The following RALYL variants were observed in gnomAD, a reference collection of about 807,000 sequenced individuals.
RALYL encodes RALY RNA binding protein like.
Under a neutral mutation model 35.1 loss-of-function variants are expected in RALYL, and 29 were observed. The ratio of observed to expected loss-of-function variants is 0.83; its 90% CI spans 0.61 to 1.13. The LOEUF (loss-of-function observed/expected upper bound fraction) is 1.13. RALYL is among the 50% of genes most tolerant of loss of function. The pLI is 0.00. For synonymous variants in RALYL, 120 were observed against 127.6 expected (o/e 0.94, Z 0.40); for missense variants, 359 against 360.4 (o/e 1.00, Z 0.03).
intron 2 of RALYL, among the ~76,000 whole-genome samples, chr8:84,750,044 A>C (rs1403177008): frequency 6.6e-6 from 1 of 152,166 alleles, no homozygotes; most frequent in Non-Finnish European, 1.5e-5. Context: ...CCAGCCAGTT[A>C]GCTTTATCTC....
intron 2 of RALYL, among the ~76,000 whole-genome samples, chr8:84,542,507 T>G (rs2060088484): frequency 7.8e-6 from 1 of 127,792 alleles, no homozygotes; most frequent in Non-Finnish European, 1.7e-5. Context: ...TGGGAAGTAA[T>G]TGAATCATGG....
chr8:84,598,240 C>T (rs566554318), intron 2 of RALYL, among the ~76,000 whole-genome samples: 3 of 152,140 alleles, frequency 2.0e-5, no homozygotes, highest in South Asian at 2.1e-4. Flanking sequence ...AGTCATAACT[C>T]TCACTGCAGC....
intron 7 of RALYL, among the ~76,000 whole-genome samples, chr8:84,879,571 C>A (rs575037593): frequency 2.0e-5 from 3 of 151,810 alleles, no homozygotes; most frequent in Non-Finnish European, 2.9e-5. Context: ...TAAAACTGAT[C>A]GAGAAGTAGC....
intron 1 of RALYL, among the ~76,000 whole-genome samples, chr8:84,359,640 T>C (rs545074972): frequency 6.6e-6 from 1 of 152,196 alleles, no homozygotes; most frequent in South Asian, 2.1e-4. Context: ...ACTTTCCTCG[T>C]TTGTATATAA....
intron 4 of RALYL, among the ~76,000 whole-genome samples, chr8:84,814,434 C>T (rs989413060): frequency 2.2e-4 from 33 of 151,920 alleles, no homozygotes; most frequent in African/African-American, 8.0e-4. Flanking sequence ...TAGTAATTGT[C>T]ATTTAGATTT....
At chr8:84,421,791 A>G (rs1213357545) in intron 1 of RALYL, among the ~76,000 whole-genome samples, 2 of 138,596 alleles carry the variant, frequency 1.4e-5, no homozygotes, top group African/African-American at 2.8e-5. Context: ...CTTTTTCTGC[A>G]TCTATTGAGA....
chr8:84,539,407 C>A (rs984340249), intron 2 of RALYL, among the ~76,000 whole-genome samples: 1 of 152,024 alleles, frequency 6.6e-6, no homozygotes, highest in Non-Finnish European at 1.5e-5. Flanking sequence ...ACTGGAGAAA[C>A]AGGTCCTAGA....
chr8:84,863,088 A>G (rs1288851534), intron 6 of RALYL, among the ~76,000 whole-genome samples: 3 of 152,216 alleles, frequency 2.0e-5, no homozygotes, highest in Non-Finnish European at 4.4e-5. Flanking sequence ...TTGTTAGAAT[A>G]TTATTCATAA....
chr8:84,786,146 C>A (rs556403047), intron 3 of RALYL, among the ~76,000 whole-genome samples: 1 of 152,280 alleles, frequency 6.6e-6, no homozygotes, highest in East Asian at 1.9e-4. Context: ...CATGTCCCTG[C>A]AAAGGATATG....
At chr8:84,516,074 T>A (rs1279984816) in intron 1 of RALYL, among the ~76,000 whole-genome samples, 1 of 152,034 alleles carries the variant, frequency 6.6e-6, no homozygotes, top group Non-Finnish European at 1.5e-5. Flanking sequence ...GGGATATAGT[T>A]AATTCAAATT....
intron 1 of RALYL, among the ~76,000 whole-genome samples, chr8:84,463,594 T>C (rs2051090172): frequency 6.6e-6 from 1 of 152,096 alleles, no homozygotes; most frequent in South Asian, 2.1e-4. Context: ...GTGTGTCTGA[T>C]ACATATTAGC....
chr8:84,307,178 C>T lies in RALYL; in HGVS notation c.-24+122754C>T, dbSNP rs1482960865. ...TATGAGTTAGGAAGAGAAGAGAAAC[C>T]CCATTCAGATATTCCTCTGTGTATT... On this transcript the variant is annotated intron_variant, in intron 1 of 8. Transcript: ENST00000521268. Among the ~76,000 whole-genome samples, 5 of 152,060 alleles carry T rather than the reference C, an allele frequency of 3.3e-5. No individual in the cohort carries two copies. In the East Asian group the frequency reaches 7.7e-4, roughly 24 times the overall value.
intron 2 of RALYL, among the ~76,000 whole-genome samples, chr8:84,747,714 CTT>C (rs1170565323): frequency 7.2e-5 from 11 of 151,824 alleles, no homozygotes; most frequent in South Asian, 4.2e-4. Flanking sequence ...ATAATAGTGA[CTT>C]GACTTAATTT....
chr8:84,277,813 G>T (rs1006432457), intron 1 of RALYL, among the ~76,000 whole-genome samples: 8 of 152,362 alleles, frequency 5.3e-5, no homozygotes, highest in African/African-American at 9.6e-5. Flanking sequence ...GCATGCTGAT[G>T]CAAGAGGTGC....
At chr8:84,473,581 T>G (rs925792276) in intron 1 of RALYL, among the ~76,000 whole-genome samples, 1 of 151,798 alleles carries the variant, frequency 6.6e-6, no homozygotes, top group Non-Finnish European at 1.5e-5. Flanking sequence ...AAGCTTTTTC[T>G]TTAAAAAAAT....
chr8:84,751,861 C>T (rs1213307943), intron 2 of RALYL, among the ~76,000 whole-genome samples: 1 of 152,098 alleles, frequency 6.6e-6, no homozygotes, highest in Non-Finnish European at 1.5e-5. Context: ...AATCTCTTTT[C>T]TTCATAAATT....
At chr8:84,226,687 G>A (rs946961237) in intron 1 of RALYL, among the ~76,000 whole-genome samples, 2 of 152,126 alleles carry the variant, frequency 1.3e-5, no homozygotes, top group Admixed American at 6.5e-5. Flanking sequence ...CTTTAGAAAA[G>A]TTCAAATTTT....
intron 1 of RALYL, among the ~76,000 whole-genome samples, chr8:84,209,803 A>T (rs950928803): frequency 1.3e-5 from 2 of 152,026 alleles, no homozygotes; most frequent in African/African-American, 4.8e-5. Flanking sequence ...GTGTTCTAAC[A>T]CCTCTTCATC....
chr8:84,681,500 G>C (rs1835486610), intron 2 of RALYL, among the ~76,000 whole-genome samples: 1 of 152,130 alleles, frequency 6.6e-6, no homozygotes, highest in Non-Finnish European at 1.5e-5. Flanking sequence ...CCATTTGCTT[G>C]TGTCCTCTTT....
Sources: allele counts gnomAD v4.1 joint callset (sites outside exome capture counted in the v4.1 genomes callset), GRCh38; gene constraint gnomAD v4.1.1; transcripts MANE v1.5; gene names NCBI Gene and HGNC (gene_info 2026-07-23, HGNC 2026-07-21).